NOP58: variants seen among roughly 807,000 people sequenced by gnomAD.
NOP58 encodes the protein nucleolar protein 58.
NOP58 carries 44 observed loss-of-function variants against 71.2 expected under a neutral mutation model. That is an observed-to-expected ratio of 0.62 (90% CI 0.49 to 0.79). The LOEUF (loss-of-function observed/expected upper bound fraction) is 0.79, where lower values mean the gene tolerates loss of function less well. Among genes scored for constraint, NOP58 ranks in the 30% least tolerant of loss-of-function variants. The probability of loss-of-function intolerance (pLI) is 0.00; values close to 1 mark genes in which losing one functional copy is unlikely to be tolerated. For synonymous variants in NOP58, 228 were observed against 200.3 expected (o/e 1.14, Z -1.17); for missense variants, 538 against 620.2 (o/e 0.87, Z 1.41).
intron 3 of NOP58, among the ~76,000 whole-genome samples, chr2:202,281,154 T>A (rs1214372124): frequency 1.3e-5 from 2 of 150,876 alleles, no homozygotes; most frequent in Non-Finnish European, 2.9e-5. Context: ...TTTTTTTAGA[T>A]GGAGTTTTGC....
chr2:202,292,650 T>G (rs1574386587), intron 8 of NOP58, 127 bp from the exon 9 acceptor site: 7 of 687,112 alleles, frequency 1.0e-5, no homozygotes, highest in East Asian at 2.6e-5. Flanking sequence ...TAGGCATAGG[T>G]GATGTACCCA....
Position 202,277,978 on chromosome 2 carries a change from C to A in NOP58, c.151C>A (p.Gln51Lys). 1 of 1,549,316 alleles carries A rather than the reference C, an allele frequency of 6.5e-7. No individual in the cohort carries two copies. The highest frequency in any genetic ancestry group is 8.8e-7 in the Non-Finnish European group (1 of 1,131,278). Residue 51 changes from glutamine to lysine, a missense_variant, in exon 3 of 15, where the codon CAG (glutamine) becomes AAG (lysine). Transcript: ENST00000264279. ...IVKLKHFEKFQDTAEALAAFT... is the reference protein window; with the variant it reads ...IVKLKHFEKFKDTAEALAAFT... ...AAAGCTAAAACATTTTGAGAAATTT[C>A]AGGATACAGCAGAAGCATTAGCAGG...
intron 1 of NOP58, among the ~76,000 whole-genome samples, chr2:202,268,490 G>A (rs905848325): frequency 6.6e-5 from 10 of 151,424 alleles, no homozygotes; most frequent in African/African-American, 2.4e-4. Context: ...AGCTGAGATC[G>A]TGCCATTGCA....
intron 3 of NOP58, among the ~76,000 whole-genome samples, chr2:202,279,159 A>T (rs770023164): frequency 1.4e-4 from 21 of 152,186 alleles, no homozygotes; most frequent in Middle Eastern, 3.2e-3. Context: ...GTTGACATAG[A>T]CTGGGATATG....
chr2:202,291,253 C>G lies in NOP58; in HGVS notation c.763C>G (p.Leu255Val), dbSNP rs1451789719. ...EVSEEDICNILHLCTQVIEIS... is the reference protein window; with the variant it reads ...EVSEEDICNIVHLCTQVIEIS... ...TTCAGAAGAAGATATTTGCAATATT[C>G]TGCATCTTTGCACCCAGGTAAATTT... Residue 255 changes from leucine to valine, a missense_variant, in exon 8 of 15, where the codon CTG (leucine) becomes GTG (valine). By Grantham distance (32) the Leu-to-Val change is conservative. Coordinates refer to ENST00000264279, the MANE Select transcript of NOP58 (RefSeq NM_015934.5). The G allele has an allele frequency of 6.2e-7, 1 of 1,608,128 alleles. No homozygotes were observed. The highest frequency in any genetic ancestry group is 8.5e-7 in the Non-Finnish European group (1 of 1,178,338).
At chr2:202,268,379 A>T (rs1459387329) in intron 1 of NOP58, among the ~76,000 whole-genome samples, 1 of 151,802 alleles carries the variant, frequency 6.6e-6, no homozygotes, top group African/African-American at 2.4e-5. Context: ...CTAAAAAAAT[A>T]GAAAAATTAG....
intron 1 of NOP58, among the ~76,000 whole-genome samples, chr2:202,274,299 C>G (rs1688553333): frequency 6.6e-6 from 1 of 151,952 alleles, no homozygotes; most frequent in Non-Finnish European, 1.5e-5. Context: ...GCAATCTCGG[C>G]TCACTGCAAC....
Position 202,287,718 on chromosome 2 carries a change from G to T in NOP58, c.493G>T (p.Ala165Ser). Residue 165 changes from alanine to serine, a missense_variant, in exon 6 of 15, where the codon GCA (alanine) becomes TCA (serine). Coordinates refer to ENST00000264279, the MANE Select transcript of NOP58 (RefSeq NM_015934.5). ...TAAAGTAGACACAATGATTGTTCAG[G>T]CAATTTGTAAGTATAGTACATGCAA... ...ADKVDTMIVQ[A>S]ISLLDDLDKE... is the part of the protein sequence containing the mutation. The T allele has an allele frequency of 6.2e-7, 1 of 1,610,126 alleles. No individual in the cohort carries two copies. The highest frequency in any genetic ancestry group is 8.5e-7 in the Non-Finnish European group (1 of 1,176,496).
At chr2:202,291,021 G>A (rs186423086) in intron 7 of NOP58, 104 bp from the exon 8 acceptor site, 37 of 1,012,580 alleles carry the variant, frequency 3.7e-5, no homozygotes, top group Non-Finnish European at 4.8e-5. Context: ...TTTTGTTTAG[G>A]CATCCTTTTC....
intron 1 of NOP58, among the ~76,000 whole-genome samples, chr2:202,268,467 G>A (rs942028375): frequency 1.7e-4 from 26 of 151,482 alleles, no homozygotes; most frequent in Admixed American, 3.3e-4. Flanking sequence ...CCCGGGAGGC[G>A]GAGGTTGTGG....
intron 5 of NOP58, among the ~76,000 whole-genome samples, chr2:202,285,621 G>T (rs573024964): frequency 6.6e-6 from 1 of 152,118 alleles, no homozygotes; most frequent in South Asian, 2.1e-4. Context: ...GACTGCAGGG[G>T]TGAGCCACCA....
chr2:202,284,529 G>A (rs1325891601), intron 5 of NOP58, 48 bp downstream of exon 5: 11 of 1,586,480 alleles, frequency 6.9e-6, no homozygotes, highest in African/African-American at 1.3e-5. Context: ...TTTGATAAGC[G>A]CTTAACATAG....
chr2:202,266,437 T>C (rs898560490), intron 1 of NOP58, among the ~76,000 whole-genome samples: 1 of 152,124 alleles, frequency 6.6e-6, no homozygotes, highest in African/African-American at 2.4e-5. Flanking sequence ...TAGCTGGGAT[T>C]ACAGGCCTCC....
chr2:202,291,631 C>G (rs977162812), intron 8 of NOP58, among the ~76,000 whole-genome samples: 3 of 151,650 alleles, frequency 2.0e-5, no homozygotes, highest in African/African-American at 7.3e-5. Context: ...TATGATGAAA[C>G]CCCCATCTCT....
At chr2:202,303,128 A>G in intron 14 of NOP58, 71 bp downstream of exon 14, 2 of 1,512,360 alleles carry the variant, frequency 1.3e-6, no homozygotes, top group Non-Finnish European at 1.8e-6. Flanking sequence ...TATTTTCTAT[A>G]TCAGAAATGA....
intron 4 of NOP58, among the ~76,000 whole-genome samples, chr2:202,283,466 G>A (rs370287131): frequency 1.4e-4 from 20 of 146,640 alleles, no homozygotes; most frequent in African/African-American, 5.1e-4. Context: ...TTTTAAGACG[G>A]AGTCTCACTC....
At chr2:202,279,232 A>G (rs1290341556) in intron 3 of NOP58, among the ~76,000 whole-genome samples, 1 of 152,066 alleles carries the variant, frequency 6.6e-6, no homozygotes, top group Non-Finnish European at 1.5e-5. Context: ...ACGATCTTTA[A>G]TCTGCTTGGG....
chr2:202,298,989 C>CT lies in NOP58; in HGVS notation c.1268+1084dup, dbSNP rs1689043154. Among the ~76,000 whole-genome samples the CT allele has an allele frequency of 3.1e-5, 3 of 98,324 alleles. No homozygotes were observed. In the Admixed American group the frequency reaches 4.9e-4, roughly 16 times the overall value. The allele number at this position is 98,324 out of a possible 152,430, so 64.5% of individuals were successfully genotyped here. On this transcript the variant is annotated intron_variant, in intron 12 of 14. Transcript: ENST00000264279. The stretch of plus-strand genomic sequence containing the variant: ...TTTTTTTTTTTTTTTTTGAGACAGT[C>CT]TGTCTCTGTTGCCAGGCTGGAGTGC...
intron 5 of NOP58, among the ~76,000 whole-genome samples, chr2:202,286,490 G>A (rs1688788394): frequency 6.6e-6 from 1 of 152,176 alleles, no homozygotes; most frequent in Non-Finnish European, 1.5e-5. Context: ...GGGTGACAGA[G>A]TAAGACTCCG....
Sources: allele counts gnomAD v4.1 joint callset (sites outside exome capture counted in the v4.1 genomes callset), GRCh38; gene constraint gnomAD v4.1.1; transcripts MANE v1.5; gene names NCBI Gene and HGNC (gene_info 2026-07-23, HGNC 2026-07-21).